PHLDB2: variants seen among roughly 807,000 people sequenced by gnomAD.
PHLDB2 encodes the protein pleckstrin homology-like domain family B member 2.
Under a neutral mutation model 123.6 loss-of-function variants are expected in PHLDB2, and 71 were observed. The observed-to-expected ratio is 0.57, with a 90% CI of 0.47 to 0.70. PHLDB2 has a LOEUF of 0.70. Ranked by LOEUF, PHLDB2 falls within the 30% of genes least tolerant of loss-of-function variation. PHLDB2 has a pLI of 0.00. For synonymous variants in PHLDB2, 547 were observed against 541.6 expected, an observed-to-expected ratio of 1.01 and a Z score of -0.14; for missense variants, 1,446 against 1,519.5, an observed-to-expected ratio of 0.95 and a Z score of 0.80.
intron 1 of PHLDB2, among the ~76,000 whole-genome samples, chr3:111,762,400 T>C (rs1417869934): frequency 6.6e-6 from 1 of 152,242 alleles, no homozygotes; most frequent in Non-Finnish European, 1.5e-5. Flanking sequence ...GTTTTGACAC[T>C]GTCAATAAAT....
rs1293600967 is a variant in PHLDB2 at position 111,939,594 on chromosome 3, A to G, written c.2250A>G (p.Glu750=). ...ACTTGACTCAACAGCTCCTGCGTGAAGTTGCTGAATATCAACGGAACATCG... is the reference window on the plus strand; with the variant it reads ...ACTTGACTCAACAGCTCCTGCGTGAGGTTGCTGAATATCAACGGAACATCG... ...KENLTQQLLR[E]VAEYQRNIVS... is the part of the protein sequence containing the mutation. Residue 750 remains glutamate (E), a synonymous_variant, in exon 7 of 18, where the codon GAA becomes GAG. Coordinates refer to ENST00000431670, the MANE Select transcript of PHLDB2 (RefSeq NM_001134438.2). The G allele has an allele frequency of 3.7e-6, 6 of 1,613,572 alleles. No individual in the cohort carries two copies. In the South Asian group the frequency reaches 6.6e-5, roughly 18 times the overall value.
At chr3:111,932,023 G>A (rs1008897052) in intron 5 of PHLDB2, among the ~76,000 whole-genome samples, 2 of 152,202 alleles carry the variant, frequency 1.3e-5, no homozygotes, top group Non-Finnish European at 2.9e-5. Context: ...GAAGAAGGGA[G>A]GGAAGGAAAG....
chr3:111,923,051 G>A lies in PHLDB2; in HGVS notation c.2001+2632G>A, dbSNP rs533560320. Among the ~76,000 whole-genome samples, 10 of 152,232 alleles carry A rather than the reference G, an allele frequency of 6.6e-5. No individual in the cohort carries two copies. In the South Asian group the frequency reaches 2.1e-3, roughly 32 times the overall value. ...ATAAATTACTACTTTATCGATTAAC[G>A]ATAAGCTACTACCTTATCTCTCTTC... is the stretch of plus-strand genomic sequence containing the variant. On this transcript the variant is annotated intron_variant, in intron 5 of 17. Transcript: ENST00000431670.
At chr3:111,756,873 G>A (rs1156378840) in intron 1 of PHLDB2, among the ~76,000 whole-genome samples, 1 of 152,028 alleles carries the variant, frequency 6.6e-6, no homozygotes, top group Admixed American at 6.5e-5. Context: ...GCATTTGCTT[G>A]TCTGTAAAGT....
At chr3:111,907,771 T>C (rs888811845) in intron 2 of PHLDB2, among the ~76,000 whole-genome samples, 3 of 152,096 alleles carry the variant, frequency 2.0e-5, no homozygotes, top group African/African-American at 7.2e-5. Context: ...GGATTACAGG[T>C]GTGAGCCACC....
At chr3:111,948,246 C>CGTGT (rs561953059) in intron 9 of PHLDB2, among the ~76,000 whole-genome samples, 15 of 149,408 alleles carry the variant, frequency 1.0e-4, no homozygotes, top group East Asian at 1.9e-4. Flanking sequence ...CTTAGGACTC[C>CGTGT]GTGTGTGTGT....
At chr3:111,775,459 G>C (rs1307265056) in intron 1 of PHLDB2, among the ~76,000 whole-genome samples, 4 of 152,158 alleles carry the variant, frequency 2.6e-5, no homozygotes, top group Non-Finnish European at 1.5e-5. Flanking sequence ...TATGCTGCAG[G>C]TGTGATGCTA....
At chr3:111,889,319 A>G (rs1481824447) in intron 2 of PHLDB2, among the ~76,000 whole-genome samples, 12 of 152,128 alleles carry the variant, frequency 7.9e-5, no homozygotes, top group Non-Finnish European at 1.2e-4. Flanking sequence ...GTATTTACCC[A>G]TGACACAGCC....
At position 111,927,286 on chromosome 3, in the gene PHLDB2, A is replaced by C. The variant is rs561627820; in HGVS notation, c.2002-4983A>C. Reference sequence around the variant, plus strand: ...TCACACCTGTAATCCCAGCACTTTGAGAGGCTGAGGCAAGAGGATCACTTG... The same window carrying C: ...TCACACCTGTAATCCCAGCACTTTGCGAGGCTGAGGCAAGAGGATCACTTG... On this transcript the variant is annotated intron_variant, in intron 5 of 17. Coordinates refer to ENST00000431670, the MANE Select transcript of PHLDB2 (RefSeq NM_001134438.2). Among the ~76,000 whole-genome samples the C allele has an allele frequency of 1.1e-4, 16 of 152,170 alleles. 1 individual carries two copies. The South Asian group carries it at 1.9e-3, about 18-fold the overall frequency.
At chr3:111,767,651 CTG>C (rs2060105426) in intron 1 of PHLDB2, among the ~76,000 whole-genome samples, 1 of 152,174 alleles carries the variant, frequency 6.6e-6, no homozygotes, top group Non-Finnish European at 1.5e-5. Context: ...GTACTTAAAA[CTG>C]TACCTGGCAT....
intron 1 of PHLDB2, among the ~76,000 whole-genome samples, chr3:111,767,860 T>A (rs1401874155): frequency 6.6e-6 from 1 of 152,198 alleles, no homozygotes; most frequent in Non-Finnish European, 1.5e-5. Context: ...AATTTGTCTA[T>A]AGAGATGTTA....
intron 1 of PHLDB2, among the ~76,000 whole-genome samples, chr3:111,763,690 A>G (rs2060032256): frequency 6.6e-6 from 1 of 152,118 alleles, no homozygotes; most frequent in Non-Finnish European, 1.5e-5. Flanking sequence ...TAGTATTAGG[A>G]GGTGATTCGA....
At chr3:111,828,619 G>A (rs1231569494) in intron 1 of PHLDB2, among the ~76,000 whole-genome samples, 1 of 152,062 alleles carries the variant, frequency 6.6e-6, no homozygotes, top group Non-Finnish European at 1.5e-5. Context: ...GGGAGACCCT[G>A]TCTCTACAAA....
intron 2 of PHLDB2, among the ~76,000 whole-genome samples, chr3:111,900,335 T>C (rs1393522836): frequency 1.3e-5 from 2 of 152,260 alleles, no homozygotes; most frequent in East Asian, 3.8e-4. Context: ...ATCTCATTTT[T>C]GGCATGCCTT....
At chr3:111,895,054 TGA>T (rs143315914) in intron 2 of PHLDB2, among the ~76,000 whole-genome samples, 68,774 of 148,732 alleles carry the variant, frequency 0.46, 16,570 homozygotes, top group East Asian at 0.68. Context: ...TAACTGAGAG[TGA>T]AAAAAAAAAA....
chr3:111,859,810 G>T (rs1187180741), intron 1 of PHLDB2: 1 of 985,468 alleles, frequency 1.0e-6, no homozygotes, highest in Non-Finnish European at 1.2e-6. Flanking sequence ...CAGGGTGGGC[G>T]GGGGCAAAGG....
chr3:111,920,694 T>C (rs1446793339), intron 5 of PHLDB2, among the ~76,000 whole-genome samples: 5 of 152,234 alleles, frequency 3.3e-5, no homozygotes, highest in Admixed American at 3.3e-4. Context: ...CGTTGTTTGT[T>C]TGCTTTTTTT....
At chr3:111,972,390 C>T (rs1041995125) in intron 16 of PHLDB2, among the ~76,000 whole-genome samples, 8 of 152,212 alleles carry the variant, frequency 5.3e-5, no homozygotes, top group Non-Finnish European at 1.2e-4. Flanking sequence ...TTACTCTCTG[C>T]TGAACTTTTC....
intron 2 of PHLDB2, among the ~76,000 whole-genome samples, chr3:111,903,620 C>T (rs2067325608): frequency 6.6e-6 from 1 of 152,180 alleles, no homozygotes; most frequent in South Asian, 2.1e-4. Context: ...GCTTGTTAAT[C>T]AGTATTAGAG....
Sources: gnomAD v4.1 joint callset for allele counts (sites outside exome capture counted in the v4.1 genomes callset) on GRCh38, gnomAD v4.1.1 for gene constraint, MANE v1.5 for transcripts, NCBI Gene and HGNC (gene_info 2026-07-23, HGNC 2026-07-21) for gene names.